UBN2: variants seen among roughly 807,000 people sequenced by gnomAD.
UBN2 encodes the protein ubinuclein-2.
A neutral mutation model predicts 120.2 loss-of-function variants in UBN2; 35 were observed. The ratio of observed to expected loss-of-function variants is 0.29; its 90% confidence interval spans 0.22 to 0.39. UBN2 has a LOEUF of 0.39. Ranked by LOEUF, UBN2 falls within the 10% of genes least tolerant of loss-of-function variation. The pLI is 1.00. For missense variants in UBN2, 1,693 were observed against 1,663.2 expected (o/e 1.02, Z -0.31); for synonymous variants, 661 against 648.7 (o/e 1.02, Z -0.29).
rs1694996065 is a variant in UBN2 at position 139,240,437 on chromosome 7, T to C, written c.561+3340T>C. ...CCACTGTACCCAGCCTAAATATATA[T>C]ATATATATATATATATATTTTTTTT... On this transcript the variant is annotated intron_variant, in intron 2 of 17. Transcript: ENST00000473989. 1.0e-4 allele frequency among the ~76,000 whole-genome samples: 5 copies of C among 49,194 alleles called. No homozygotes were observed. In the South Asian group the frequency reaches 4.5e-3, roughly 44 times the overall value. 32.3% of individuals were successfully genotyped at this position (49,194 alleles called of 152,430 possible). A position where few individuals can be genotyped will look rare whatever the true frequency, so the allele number is the denominator to read the frequency against.
At chr7:139,322,822 GC>G in the UBN2 span, among the ~76,000 whole-genome samples, 2 of 151,940 alleles carry the variant, frequency 1.3e-5, no homozygotes, top group Non-Finnish European at 2.9e-5. Flanking sequence ...ACAGGCTTGG[GC>G]CACCACGCCA....
chr7:139,231,342 C>T lies in UBN2; in HGVS notation c.-143C>T. ...AGCGGGGAAGGGGACACGGTCCGCA[C>T]TCACCGTGGCGCCGGCGGAGACGGC... is the stretch of plus-strand genomic sequence containing the variant. On this transcript the variant is annotated 5_prime_UTR_variant, in exon 1 of 18. Transcript: ENST00000473989. The T allele has an allele frequency of 1.5e-6, 1 of 654,388 alleles. No individual in the cohort carries two copies. The highest frequency in any genetic ancestry group is 3.6e-5 in the East Asian group (1 of 28,166). 40.5% of individuals were successfully genotyped at this position (654,388 alleles called of 1,614,324 possible).
chr7:139,314,958 GATATA>G, the UBN2 span, among the ~76,000 whole-genome samples: 1 of 150,606 alleles, frequency 6.6e-6, no homozygotes, highest in Admixed American at 6.6e-5. Flanking sequence ...ATATCTTTTT[GATATA>G]ATAATAATAA....
chr7:139,288,431 C>G (rs954354523), intron 15 of UBN2, among the ~76,000 whole-genome samples: 5 of 152,010 alleles, frequency 3.3e-5, no homozygotes, highest in African/African-American at 1.2e-4. Context: ...TATGAAGACA[C>G]TGAGATGGAA....
chr7:139,277,208 G>A (rs1023651946), intron 12 of UBN2: 1 of 152,166 alleles, frequency 6.6e-6, no homozygotes, highest in Non-Finnish European at 1.5e-5. Context: ...CTTGTATGCA[G>A]TTATATAGGA....
intron 17 of UBN2, 22 bp from the exon 18 acceptor site, chr7:139,297,765 A>C: frequency 1.9e-6 from 3 of 1,613,878 alleles, no homozygotes; most frequent in Non-Finnish European, 2.5e-6. Context: ...ACCCATACCA[A>C]TTTAACGTCT....
chr7:139,329,421 A>G, the UBN2 span, among the ~76,000 whole-genome samples: 4 of 152,034 alleles, frequency 2.6e-5, no homozygotes, highest in Non-Finnish European at 4.4e-5. Context: ...CTTGGACCCT[A>G]GCCCAACTTG....
intron 2 of UBN2, among the ~76,000 whole-genome samples, chr7:139,239,859 A>G (rs1044938498): frequency 1.3e-5 from 2 of 152,154 alleles, no homozygotes; most frequent in African/African-American, 4.8e-5. Flanking sequence ...CCCAGCCTAG[A>G]GTGTCTATTT....
intron 9 of UBN2, among the ~76,000 whole-genome samples, chr7:139,272,735 C>T (rs990454653): frequency 6.6e-6 from 1 of 152,108 alleles, no homozygotes; most frequent in Non-Finnish European, 1.5e-5. Context: ...CCATGTTGAC[C>T]AGGCTGGTCT....
chr7:139,277,020 G>GC (rs1797462189), intron 12 of UBN2: 1 of 150,098 alleles, frequency 6.7e-6, no homozygotes, highest in South Asian at 2.3e-4. Context: ...TGGAGATCAT[G>GC]CCACCGCCCT....
the UBN2 span, among the ~76,000 whole-genome samples, chr7:139,313,849 A>ATT: frequency 2.1e-5 from 3 of 143,542 alleles, no homozygotes; most frequent in Non-Finnish European, 3.1e-5. Flanking sequence ...CAATGACAGA[A>ATT]TTTTTTTTTT....
chr7:139,242,994 A>G (rs1330957848), intron 2 of UBN2, among the ~76,000 whole-genome samples: 1 of 152,194 alleles, frequency 6.6e-6, no homozygotes, highest in African/African-American at 2.4e-5. Flanking sequence ...TTTAGTAATC[A>G]GGGTCATTCT....
chr7:139,233,545 A>G (rs1305726850), intron 1 of UBN2, among the ~76,000 whole-genome samples: 1 of 152,144 alleles, frequency 6.6e-6, no homozygotes, highest in Non-Finnish European at 1.5e-5. Context: ...GAACTCCACG[A>G]GGTAAAAACT....
chr7:139,261,806 G>A (rs764210020), intron 6 of UBN2, 65 bp downstream of exon 6: 46 of 1,496,274 alleles, frequency 3.1e-5, no homozygotes, highest in South Asian at 2.1e-4. Flanking sequence ...GCTTTTGTTC[G>A]TTTGTTTTTA....
chr7:139,315,614 TTTGTGTGGATGTA>T, the UBN2 span, among the ~76,000 whole-genome samples: 143 of 152,320 alleles, frequency 9.4e-4, no homozygotes, highest in African/African-American at 3.2e-3. Flanking sequence ...TGCACAAGTT[TTTGTGTGGATGTA>T]TGTTTTCAGT....
At chr7:139,271,048 C>G (rs1214615379) in intron 8 of UBN2, among the ~76,000 whole-genome samples, 1 of 152,004 alleles carries the variant, frequency 6.6e-6, no homozygotes, top group Non-Finnish European at 1.5e-5. Flanking sequence ...TCCTAAAGTA[C>G]TGGGATTACA....
chr7:139,280,771 G>C (rs953144464), intron 13 of UBN2, among the ~76,000 whole-genome samples: 4 of 152,126 alleles, frequency 2.6e-5, no homozygotes, highest in African/African-American at 7.2e-5. Flanking sequence ...TCAGCCTCCT[G>C]AGTAGCTGGG....
At chr7:139,270,175 A>C (rs527479507) in intron 8 of UBN2, among the ~76,000 whole-genome samples, 47 of 152,130 alleles carry the variant, frequency 3.1e-4, no homozygotes, top group African/African-American at 1.0e-3. Context: ...TGAGCTTCAT[A>C]TATATAAAGA....
Position 139,301,039 on chromosome 7 carries a change from G to C in UBN2, c.*3203G>C, listed in dbSNP as rs1798243725. 1 of 152,196 alleles carries C rather than the reference G, an allele frequency of 6.6e-6. No individual in the cohort carries two copies. Among genetic ancestry groups the C allele is most frequent in the African/African-American group, 2.4e-5 (1 of 41,452 alleles). The allele number at this position is 152,196 out of a possible 1,614,324, so 9.4% of individuals were successfully genotyped here. Reference sequence around the variant, plus strand: ...GGCTAATCTGTAGTCATAAAATTCTGATACTTTGCGGAAATTAGAAGATGG... The same window carrying C: ...GGCTAATCTGTAGTCATAAAATTCTCATACTTTGCGGAAATTAGAAGATGG... On this transcript the variant is annotated 3_prime_UTR_variant, in exon 18 of 18. Coordinates refer to ENST00000473989, the MANE Select transcript of UBN2 (RefSeq NM_173569.4).
Sources: gnomAD v4.1 joint callset for allele counts (sites outside exome capture counted in the v4.1 genomes callset) on GRCh38, gnomAD v4.1.1 for gene constraint, MANE v1.5 for transcripts, NCBI Gene and HGNC (gene_info 2026-07-23, HGNC 2026-07-21) for gene names.